The following EARS2 variants were observed in gnomAD, a reference collection of about 807,000 sequenced individuals.
The protein encoded by EARS2 is glutamyl-tRNA synthetase 2, mitochondrial.
Under a neutral mutation model 54.1 loss-of-function variants are expected in EARS2, and 50 were observed. That is an observed-to-expected ratio of 0.92 (90% CI 0.74 to 1.17). EARS2 has a LOEUF of 1.17. Among genes scored for constraint, EARS2 ranks in the 50% most tolerant of loss-of-function variants. The pLI is 0.00. For synonymous variants in EARS2, 298 were observed against 281.0 expected (o/e 1.06, Z -0.61); for missense variants, 673 against 675.0 (o/e 1.00, Z 0.03).
In EARS2 at chr16:23,537,059, T is replaced by G. The variant is rs187711349; in HGVS notation, c.486-1699A>C. The G allele has an allele frequency of 4.0e-3, 935 of 234,946 alleles. 6 individuals are homozygous for G. Among genetic ancestry groups the G allele is most frequent in the Non-Finnish European group, 6.7e-3 (702 of 104,594 alleles). 14.6% of individuals were successfully genotyped at this position (234,946 alleles called of 1,614,324 possible). A position where few individuals can be genotyped will look rare whatever the true frequency, so the allele number is the denominator to read the frequency against. On this transcript the variant is annotated intron_variant, in intron 3 of 8. Coordinates refer to ENST00000449606, the MANE Select transcript of EARS2 (RefSeq NM_001083614.2). ...TTCAGCTGCAGAAGCAGGGCAGCATTATGTCTGAATCAAAGGAACTTGTTT... is the reference window on the plus strand; with the variant it reads ...TTCAGCTGCAGAAGCAGGGCAGCATGATGTCTGAATCAAAGGAACTTGTTT...
chr16:23,556,710 T>C, intron 1 of EARS2: 1 of 358,216 alleles, frequency 2.8e-6, no homozygotes, highest in South Asian at 2.1e-5. Flanking sequence ...TCTTGTCATT[T>C]GGATCTCAGC....
rs1965170960 is a variant in EARS2, at chr16:23,523,325, A to G, written c.*1046T>C. ...CAGAAACCAGCAGAGATGATGACTT[A>G]TAAGTCATGGAGGAAGGACGAGGTG... On this transcript the variant is annotated 3_prime_UTR_variant, in exon 9 of 9. Coordinates refer to ENST00000449606, the MANE Select transcript of EARS2 (RefSeq NM_001083614.2). 1 of 152,254 alleles carries G rather than the reference A, an allele frequency of 6.6e-6. No individual in the cohort carries two copies. Among genetic ancestry groups the G allele is most frequent in the Admixed American group, 6.5e-5 (1 of 15,280 alleles). The allele number at this position is 152,254 out of a possible 1,614,324, so 9.4% of individuals were successfully genotyped here.
intron 3 of EARS2, among the ~76,000 whole-genome samples, chr16:23,535,934 G>C (rs1201220880): frequency 1.3e-5 from 2 of 152,206 alleles, no homozygotes; most frequent in African/African-American, 2.4e-5. Flanking sequence ...AATGAAGTCA[G>C]AGAGAAGCCA....
intron 5 of EARS2, among the ~76,000 whole-genome samples, chr16:23,532,062 C>T (rs887562146): frequency 6.6e-6 from 1 of 152,216 alleles, no homozygotes; most frequent in Non-Finnish European, 1.5e-5. Context: ...ATCTGCCAAC[C>T]TTGGCCTCTC....
chr16:23,542,680 A>C (rs1240988428), intron 3 of EARS2, among the ~76,000 whole-genome samples: 1 of 152,038 alleles, frequency 6.6e-6, no homozygotes, highest in East Asian at 1.9e-4. Flanking sequence ...TCTGAGACCA[A>C]ATCTTGGCTT....
intron 5 of EARS2, among the ~76,000 whole-genome samples, chr16:23,530,932 C>T (rs1477754289): frequency 6.6e-6 from 1 of 151,710 alleles, no homozygotes; most frequent in Non-Finnish European, 1.5e-5. Context: ...ACTCTTGTTG[C>T]CCAGGCTGGA....
In EARS2 at chr16:23,525,229, G is replaced by T; in HGVS notation, c.1488+15C>A. 1 of 1,614,116 alleles carries T rather than the reference G, an allele frequency of 6.2e-7. No individual in the cohort carries two copies. The highest frequency in any genetic ancestry group is 8.5e-7 in the Non-Finnish European group (1 of 1,180,022). On this transcript the variant is annotated intron_variant, in intron 8 of 8. Coordinates refer to ENST00000449606, the MANE Select transcript of EARS2 (RefSeq NM_001083614.2). ...GGGGCTCCAGGGAACAATCCAACCC[G>T]TGTCCCTGCCTCACCTGCTGTCCAC...
At chr16:23,544,382 T>C (rs960052826) in intron 3 of EARS2, 132 bp downstream of exon 3, 2 of 888,274 alleles carry the variant, frequency 2.3e-6, no homozygotes, top group African/African-American at 1.7e-5. Context: ...AAGAAACAGG[T>C]GAGGCCACGC....
At chr16:23,547,180 G>A (rs1036939301) in intron 2 of EARS2, among the ~76,000 whole-genome samples, 1 of 152,146 alleles carries the variant, frequency 6.6e-6, no homozygotes, top group Non-Finnish European at 1.5e-5. Context: ...ATATTATTTG[G>A]CTATAAAAAG....
intron 3 of EARS2, among the ~76,000 whole-genome samples, chr16:23,536,864 G>A (rs111822731): frequency 0.015 from 2,231 of 151,830 alleles, 23 homozygotes; most frequent in South Asian, 0.019. Context: ...TATATTTTTA[G>A]TAGAAATGGG....
At position 23,526,044 on chromosome 16, in the gene EARS2, C is replaced by T. The variant is rs147424347; in HGVS notation, c.1353-665G>A. On this transcript the variant is annotated intron_variant, in intron 7 of 8. Transcript: ENST00000449606. Reference sequence around the variant, plus strand: ...TAGTATCTGTCCTGCACAAGGCTATCGTAGAGAGTTAAAACTTATAAAGCA... The same window carrying T: ...TAGTATCTGTCCTGCACAAGGCTATTGTAGAGAGTTAAAACTTATAAAGCA... Among the ~76,000 whole-genome samples, 373 of 149,742 alleles carry T rather than the reference C, an allele frequency of 2.5e-3. 1 individual carries two copies. The highest frequency in any genetic ancestry group is 8.3e-3 in the African/African-American group (337 of 40,786).
At chr16:23,554,593 C>T (rs913436909) in intron 1 of EARS2, among the ~76,000 whole-genome samples, 2 of 152,162 alleles carry the variant, frequency 1.3e-5, no homozygotes, top group African/African-American at 2.4e-5. Context: ...GGGGCCAGGC[C>T]GACCCTGCTT....
chr16:23,556,458 G>A (rs1013587343), intron 1 of EARS2, among the ~76,000 whole-genome samples: 3 of 152,254 alleles, frequency 2.0e-5, no homozygotes, highest in Admixed American at 2.0e-4. Context: ...GCGTTCAAGC[G>A]ATTCTCCTGC....
chr16:23,535,565 C>G (rs1205293642), intron 3 of EARS2: 16 of 593,494 alleles, frequency 2.7e-5, no homozygotes, highest in Admixed American at 2.4e-4. Context: ...TATCTACCAG[C>G]CATTCCACGC....
At chr16:23,552,947 C>G (rs1390018943) in intron 1 of EARS2, 3 of 262,934 alleles carry the variant, frequency 1.1e-5, no homozygotes, top group Non-Finnish European at 7.9e-6. Flanking sequence ...TCTGCCTGGG[C>G]AACATGGTGA....
Position 23,523,914 on chromosome 16 carries a change from G to T in EARS2, c.*457C>A, listed in dbSNP as rs1965181436. 6.3e-6 allele frequency: 1 copy of T among 158,404 alleles called. No individual in the cohort carries two copies. Among genetic ancestry groups the T allele is most frequent in the African/African-American group, 2.4e-5 (1 of 41,534 alleles). The allele number at this position is 158,404 out of a possible 1,614,324, so 9.8% of individuals were successfully genotyped here. A position where few individuals can be genotyped will look rare whatever the true frequency, so the allele number is the denominator to read the frequency against. ...AGCTGTCTGCAAGCCAACAAAAGAG[G>T]CCTCTAGGAAAAACCAGGCCTGCTG... On this transcript the variant is annotated 3_prime_UTR_variant, in exon 9 of 9. Coordinates refer to ENST00000449606, the MANE Select transcript of EARS2 (RefSeq NM_001083614.2).
rs61742045 is a variant in EARS2, at chr16:23,534,973, G to A, written c.873C>T (p.Asp291=). ...CAGCAGCAAAGTGCTCCAGGAAAAC[G>A]TCCCCTTGCCTCTTGGAGAGCTTGC... ...DGSKLSKRQG[D]VFLEHFAADG... The change falls in exon 4 of 9, where the codon GAC becomes GAT. Residue 291 remains aspartate (D), a synonymous_variant. Transcript: ENST00000449606. 96 of 1,611,728 alleles carry A rather than the reference G, an allele frequency of 6.0e-5. No homozygotes were observed. Among genetic ancestry groups the A allele is most frequent in the African/African-American group, 4.9e-4 (37 of 75,014 alleles).
At chr16:23,547,776 G>C (rs1266281136) in intron 2 of EARS2, among the ~76,000 whole-genome samples, 1 of 152,092 alleles carries the variant, frequency 6.6e-6, no homozygotes, top group African/African-American at 2.4e-5. Context: ...CCCCATGTGA[G>C]AGCCACCACG....
chr16:23,535,305 T>G lies in EARS2; in HGVS notation c.541A>C (p.Lys181Gln), dbSNP rs758908508. The stretch of plus-strand genomic sequence containing the variant: ...AAGCGGATCGCAGGCTTGGGGTCCT[T>G]GGCCAGCTTCTGGGCCACCTGCTCC... ...SQEQVAQKLA[K>Q]DPKPAIRFRL... The change falls in exon 4 of 9, where the codon AAG becomes CAG. Residue 181 changes from lysine to glutamine, a missense_variant. Transcript: ENST00000449606. 3.7e-6 allele frequency: 6 copies of G among 1,603,826 alleles called. No individual in the cohort carries two copies. The highest frequency in any genetic ancestry group is 5.1e-6 in the Non-Finnish European group (6 of 1,179,952).
Sources: gnomAD v4.1 joint callset for allele counts (sites outside exome capture counted in the v4.1 genomes callset) on GRCh38, gnomAD v4.1.1 for gene constraint, MANE v1.5 for transcripts, NCBI Gene and HGNC (gene_info 2026-07-23, HGNC 2026-07-21) for gene names.